RHOBTB1: variants seen among roughly 807,000 people sequenced by gnomAD.
RHOBTB1 encodes the protein Rho related BTB domain containing 1.
RHOBTB1 carries 40 observed loss-of-function variants against 71.6 expected under a neutral mutation model. The observed-to-expected ratio is 0.56, with a 90% CI of 0.43 to 0.73. The LOEUF (loss-of-function observed/expected upper bound fraction) is 0.73. RHOBTB1 is among the 30% of genes least tolerant of loss of function. The probability of loss-of-function intolerance (pLI) is 0.00; values close to 1 mark genes in which losing one functional copy is unlikely to be tolerated. For missense variants in RHOBTB1, 797 were observed against 894.0 expected (o/e 0.89, Z 1.38); for synonymous variants, 319 against 334.9 (o/e 0.95, Z 0.52).
intron 9 of RHOBTB1, among the ~76,000 whole-genome samples, chr10:60,872,935 G>A (rs1004257640): frequency 6.6e-6 from 1 of 152,106 alleles, no homozygotes; most frequent in Non-Finnish European, 1.5e-5. Context: ...CCCAGACCTG[G>A]TGGGCCTGCT....
intron 2 of RHOBTB1, among the ~76,000 whole-genome samples, chr10:60,918,567 G>A (rs1261530445): frequency 6.6e-6 from 1 of 152,152 alleles, no homozygotes; most frequent in African/African-American, 2.4e-5. Flanking sequence ...AAGCGTGCAA[G>A]ACTCCTCTAA....
intron 2 of RHOBTB1, among the ~76,000 whole-genome samples, chr10:60,970,903 CA>C (rs1209663766): frequency 6.6e-6 from 1 of 152,006 alleles, no homozygotes; most frequent in Non-Finnish European, 1.5e-5. Flanking sequence ...CATGGAGAGT[CA>C]AACTCAGTAT....
chr10:60,863,965 G>A, the RHOBTB1 span, among the ~76,000 whole-genome samples: 2 of 152,106 alleles, frequency 1.3e-5, no homozygotes, highest in Non-Finnish European at 2.9e-5. Context: ...CCCTGCCTCC[G>A]GCCTGAAATG....
At position 60,871,450 on chromosome 10, in the gene RHOBTB1, G is replaced by C. The variant is rs2080772709; in HGVS notation, c.*32C>G. The C allele has an allele frequency of 6.2e-7, 1 of 1,605,766 alleles. No homozygotes were observed. The highest frequency in any genetic ancestry group is 8.5e-7 in the Non-Finnish European group (1 of 1,175,552). On this transcript the variant is annotated 3_prime_UTR_variant, in exon 11 of 11. Transcript: ENST00000337910. ...AAGTGGTGGATCAGATTACCGATTG[G>C]TTTCTGTTTTTTGTTTTTTTTCTCT...
At chr10:60,957,602 A>C (rs1344233372) in intron 2 of RHOBTB1, among the ~76,000 whole-genome samples, 1 of 152,188 alleles carries the variant, frequency 6.6e-6, no homozygotes, top group African/African-American at 2.4e-5. Context: ...AACCAATCTG[A>C]ATCAAATGCT....
At chr10:60,881,994 A>G (rs1298720095) in intron 7 of RHOBTB1, among the ~76,000 whole-genome samples, 1 of 152,188 alleles carries the variant, frequency 6.6e-6, no homozygotes, top group Non-Finnish European at 1.5e-5. Context: ...ATTAGAATAA[A>G]CTAAGAACAC....
At position 60,888,383 on chromosome 10, in the gene RHOBTB1, C is replaced by T. The variant is rs757042919; in HGVS notation, c.1285G>A (p.Asp429Asn). ...GCGATCTGAGCCAGGCCCACCAAAT[C>T]CTTTTCCTTTTCATCCAGTTGTCCC... ...YTGQLDEKEK[D>N]LVGLAQIAEV... The change falls in exon 6 of 11, where the codon GAT becomes AAT. Residue 429 changes from aspartate to asparagine, a missense_variant. Physicochemically the swap from Asp to Asn is conservative, Grantham distance 23. Coordinates refer to ENST00000337910, the MANE Select transcript of RHOBTB1 (RefSeq NM_014836.5). 1.2e-6 allele frequency: 2 copies of T among 1,614,198 alleles called. No individual in the cohort carries two copies.
At chr10:60,929,479 C>T (rs1234999479) in intron 2 of RHOBTB1, among the ~76,000 whole-genome samples, 1 of 151,974 alleles carries the variant, frequency 6.6e-6, no homozygotes, top group Non-Finnish European at 1.5e-5. Flanking sequence ...AAGATACTAG[C>T]GAAAACACCT....
At position 60,934,765 on chromosome 10, in the gene RHOBTB1, C is replaced by T. The variant is rs187066505; in HGVS notation, c.-11+7039G>A. ...ACTGAAGTGAGGCCAAATCTCATCC[C>T]TATTTAGAGAGAACAAATGCAGATA... On this transcript the variant is annotated intron_variant, in intron 2 of 10. Coordinates refer to ENST00000337910, the MANE Select transcript of RHOBTB1 (RefSeq NM_014836.5). Among the ~76,000 whole-genome samples, 13 of 152,298 alleles carry T rather than the reference C, an allele frequency of 8.5e-5. No homozygotes were observed. The East Asian group carries it at 2.5e-3, about 29-fold the overall frequency.
At chr10:60,894,608 T>C (rs1337475170) in intron 4 of RHOBTB1, among the ~76,000 whole-genome samples, 2 of 152,232 alleles carry the variant, frequency 1.3e-5, no homozygotes, top group Admixed American at 1.3e-4. Flanking sequence ...AGTTTTCTAT[T>C]ATTCATAATC....
At chr10:60,977,272 T>C (rs2086348212) in intron 2 of RHOBTB1, among the ~76,000 whole-genome samples, 1 of 152,070 alleles carries the variant, frequency 6.6e-6, no homozygotes, top group Non-Finnish European at 1.5e-5. Flanking sequence ...GCAATTTTAC[T>C]TATAGCTCAA....
chr10:60,907,117 A>G (rs2082718314), intron 4 of RHOBTB1, among the ~76,000 whole-genome samples: 1 of 152,230 alleles, frequency 6.6e-6, no homozygotes, highest in East Asian at 1.9e-4. Context: ...GCCTTCTGCC[A>G]TGATTGTCAG....
chr10:60,927,020 A>G (rs1028176415), intron 2 of RHOBTB1, among the ~76,000 whole-genome samples: 3 of 152,228 alleles, frequency 2.0e-5, no homozygotes, highest in Non-Finnish European at 4.4e-5. Flanking sequence ...TAAATAGTAA[A>G]GTTTCAGGAT....
intron 2 of RHOBTB1, among the ~76,000 whole-genome samples, chr10:60,959,886 C>A (rs1466586908): frequency 6.6e-6 from 1 of 152,156 alleles, no homozygotes; most frequent in African/African-American, 2.4e-5. Flanking sequence ...AGATTAAATA[C>A]AATTATGTAA....
Position 60,979,204 on chromosome 10 carries a change from A to G in RHOBTB1, c.-62+6641T>C, listed in dbSNP as rs558148349. On this transcript the variant is annotated intron_variant, in intron 2 of 11. Coordinates refer to the RHOBTB1 transcript ENST00000357917. ...TATTTAATTGCTTGTGGAGCTTGTT[A>G]TTTTCATCTGTATCTACCTTTTTTT... Among the ~76,000 whole-genome samples the G allele has an allele frequency of 3.9e-5, 6 of 152,154 alleles. No individual in the cohort carries two copies. In the South Asian group the frequency reaches 1.2e-3, roughly 32 times the overall value.
At chr10:60,877,822 T>G in intron 8 of RHOBTB1, 86 bp downstream of exon 8, 1 of 1,394,876 alleles carries the variant, frequency 7.2e-7, no homozygotes, top group South Asian at 1.4e-5. Context: ...AAAAATCAAT[T>G]TTTATTCTCT....
chr10:60,862,559 CTTCTTTCTTTCTTTTCCTTT>C, the RHOBTB1 span, among the ~76,000 whole-genome samples: 6 of 147,934 alleles, frequency 4.1e-5, no homozygotes, highest in Non-Finnish European at 9.0e-5. Flanking sequence ...TCTTTCCTTT[CTTCTTTCTTTCTTTTCCTTT>C]TTCTTTCTTT....
At chr10:60,908,229 A>G (rs1214067438) in intron 4 of RHOBTB1, among the ~76,000 whole-genome samples, 3 of 152,244 alleles carry the variant, frequency 2.0e-5, no homozygotes, top group Non-Finnish European at 2.9e-5. Context: ...TTGAGGGGCA[A>G]CTTATTAACT....
At position 60,885,642 on chromosome 10, in the gene RHOBTB1, G is replaced by A. The variant is rs149274567; in HGVS notation, c.1575+470C>T. On this transcript the variant is annotated intron_variant, in intron 7 of 10. Transcript: ENST00000337910. ...TGAGGAGGTTGAGGCACAGGAATGCGGCTTCTCAAGGTCCCCTGTCTGGTT... is the reference window on the plus strand; with the variant it reads ...TGAGGAGGTTGAGGCACAGGAATGCAGCTTCTCAAGGTCCCCTGTCTGGTT... Among the ~76,000 whole-genome samples, 411 of 152,276 alleles carry A rather than the reference G, an allele frequency of 2.7e-3. 1 individual carries two copies. Among genetic ancestry groups the A allele is most frequent in the African/African-American group, 9.3e-3 (386 of 41,562 alleles).
Sources: gnomAD v4.1 joint callset for allele counts (sites outside exome capture counted in the v4.1 genomes callset) on GRCh38, gnomAD v4.1.1 for gene constraint, MANE v1.5 for transcripts, NCBI Gene and HGNC (gene_info 2026-07-23, HGNC 2026-07-21) for gene names.